Variants in BRMS1L observed in about 807,000 individuals in gnomAD.
BRMS1L encodes the protein BRMS1 like transcriptional repressor.
A neutral mutation model predicts 50.3 loss-of-function variants in BRMS1L; 23 were observed. The observed-to-expected ratio is 0.46, with a 90% CI of 0.33 to 0.65. BRMS1L has a LOEUF of 0.65. Among genes scored for constraint, BRMS1L ranks in the 30% least tolerant of loss-of-function variants. BRMS1L has a pLI of 0.02. For synonymous variants in BRMS1L, 114 were observed against 126.9 expected (o/e 0.90, Z 0.69); for missense variants, 286 against 386.1 (o/e 0.74, Z 2.17).
At chr14:35,853,018 A>ATCTATCTATCTATCTATC (rs1425702944) in intron 4 of BRMS1L, among the ~76,000 whole-genome samples, 1,596 of 146,752 alleles carry the variant, frequency 0.011, 15 homozygotes, top group Middle Eastern at 0.024. Flanking sequence ...ATCTATCTAT[A>ATCTATCTATCTATCTATC]TATAGAGAGA....
Position 35,826,627 on chromosome 14 carries a change from C to T in BRMS1L, c.111C>T (p.Ser37=), listed in dbSNP as rs2077846742. ...GSSSEDEDTE[S]SSVSEDGDSS... is the part of the protein sequence containing the mutation. ...GCTCCGAGGACGAGGACACTGAGAG[C>T]TCGTCGGTCTCCGAGGATGGAGATA... The change falls in exon 1 of 10, where the codon AGC becomes AGT. Residue 37 remains serine (S), a synonymous_variant. Coordinates refer to ENST00000216807, the MANE Select transcript of BRMS1L (RefSeq NM_032352.4). 4.3e-6 allele frequency: 7 copies of T among 1,612,442 alleles called. No individual in the cohort carries two copies. The highest frequency in any genetic ancestry group is 1.1e-5 in the South Asian group (1 of 90,550).
Position 35,826,674 on chromosome 14 carries a change from C to G in BRMS1L, c.142+16C>G. 6.2e-7 allele frequency: 1 copy of G among 1,608,982 alleles called. No homozygotes were observed. The highest frequency in any genetic ancestry group is 8.5e-7 in the Non-Finnish European group (1 of 1,178,328). ...GATAGCTCAGGTGCGCGACCCACTG[C>G]TGGGACCCTGAGTCCCCGCGCCCAG... On this transcript the variant is annotated intron_variant, in intron 1 of 9. Coordinates refer to ENST00000216807, the MANE Select transcript of BRMS1L (RefSeq NM_032352.4).
intron 8 of BRMS1L, chr14:35,867,688 T>G: frequency 7.0e-6 from 2 of 286,114 alleles, no homozygotes; most frequent in Non-Finnish European, 6.3e-6. Context: ...TTATTGTTCA[T>G]TGTTTAGCTT....
At chr14:35,836,502 A>C (rs1318242459) in intron 4 of BRMS1L, among the ~76,000 whole-genome samples, 1 of 151,872 alleles carries the variant, frequency 6.6e-6, no homozygotes, top group Non-Finnish European at 1.5e-5. Context: ...CATCACACCC[A>C]GCTAATTTTT....
At chr14:35,864,311 G>A (rs1397847785) in intron 6 of BRMS1L, among the ~76,000 whole-genome samples, 1 of 151,990 alleles carries the variant, frequency 6.6e-6, no homozygotes. Context: ...ACCTAGGCTG[G>A]AGTGCAGTGG....
chr14:35,829,375 T>C (rs1335758479), intron 1 of BRMS1L, among the ~76,000 whole-genome samples: 1 of 152,382 alleles, frequency 6.6e-6, no homozygotes, highest in African/African-American at 2.4e-5. Context: ...TTGACTCTTG[T>C]GATTTTTAAC....
At chr14:35,865,948 G>C in intron 8 of BRMS1L, 187 bp downstream of exon 8, 1 of 569,422 alleles carries the variant, frequency 1.8e-6, no homozygotes, top group Non-Finnish European at 3.0e-6. Context: ...TCTGAATGTG[G>C]TATAATTATT....
In BRMS1L at chr14:35,838,069, C is replaced by T. The variant is rs536478634; in HGVS notation, c.441+3146C>T. 3.6e-4 allele frequency among the ~76,000 whole-genome samples: 54 copies of T among 152,080 alleles called. 2 individuals carry two copies. In the South Asian group the frequency reaches 9.6e-3, roughly 27 times the overall value. ...CCTCGGTGTGTGATGTTCCCCTCCCCGTGTCCATGTGTTCTCATTGTTCAA... is the reference window on the plus strand; with the variant it reads ...CCTCGGTGTGTGATGTTCCCCTCCCTGTGTCCATGTGTTCTCATTGTTCAA... On this transcript the variant is annotated intron_variant, in intron 4 of 9. Coordinates refer to ENST00000216807, the MANE Select transcript of BRMS1L (RefSeq NM_032352.4).
Position 35,863,954 on chromosome 14 carries a change from A to G in BRMS1L, c.622+1A>G. On this transcript the variant is annotated splice_donor_variant, in intron 6 of 9. Coordinates refer to ENST00000216807, the MANE Select transcript of BRMS1L (RefSeq NM_032352.4). LOFTEE classifies it high-confidence loss of function. Reference sequence around the variant, plus strand: ...AAAAAGAAGCCAGTTGTTGTTTCAGATATCCTTTTCCAAATTTTCTGTTTT... The same window carrying G: ...AAAAAGAAGCCAGTTGTTGTTTCAGGTATCCTTTTCCAAATTTTCTGTTTT... The G allele has an allele frequency of 6.2e-7, 1 of 1,612,594 alleles. No homozygotes were observed. Among genetic ancestry groups the G allele is most frequent in the Non-Finnish European group, 8.5e-7 (1 of 1,179,442 alleles).
intron 4 of BRMS1L, among the ~76,000 whole-genome samples, chr14:35,838,623 A>C (rs1454641289): frequency 6.6e-6 from 1 of 152,220 alleles, no homozygotes; most frequent in Non-Finnish European, 1.5e-5. Flanking sequence ...TCTAATGACC[A>C]GTGATGATGA....
chr14:35,867,413 CT>C (rs1484487079), intron 8 of BRMS1L, among the ~76,000 whole-genome samples: 1 of 152,048 alleles, frequency 6.6e-6, no homozygotes, highest in African/African-American at 2.4e-5. Context: ...AGTTATCTGA[CT>C]AATGCCAGAT....
intron 4 of BRMS1L, among the ~76,000 whole-genome samples, chr14:35,841,743 G>C (rs1199517386): frequency 1.3e-5 from 2 of 152,144 alleles, no homozygotes; most frequent in African/African-American, 4.8e-5. Context: ...TTAATTTTCT[G>C]TCTCATTGAT....
In BRMS1L at chr14:35,870,991, G is replaced by A. The variant is rs1055801385; in HGVS notation, c.*514G>A. On this transcript the variant is annotated 3_prime_UTR_variant, in exon 10 of 10. Transcript: ENST00000216807. ...CATCATCAGCTTATTTAGAACTGAT[G>A]GCCATACCTTACAATCTTGTTTTAC... 4 of 152,540 alleles carry A rather than the reference G, an allele frequency of 2.6e-5. No homozygotes were observed. The highest frequency in any genetic ancestry group is 4.4e-5 in the Non-Finnish European group (3 of 68,020). 9.4% of individuals were successfully genotyped at this position (152,540 alleles called of 1,614,324 possible). A position where few individuals can be genotyped will look rare whatever the true frequency, so the allele number is the denominator to read the frequency against.
At chr14:35,867,016 C>T (rs1195646341) in intron 8 of BRMS1L, among the ~76,000 whole-genome samples, 1 of 152,114 alleles carries the variant, frequency 6.6e-6, no homozygotes, top group Non-Finnish European at 1.5e-5. Context: ...AAGGCTAGAA[C>T]CATATCTCTT....
chr14:35,844,660 T>C (rs559788149), intron 4 of BRMS1L, among the ~76,000 whole-genome samples: 216 of 152,256 alleles, frequency 1.4e-3, no homozygotes, highest in African/African-American at 4.8e-3. Context: ...TGCCAAAAAA[T>C]TACTTTCATG....
In BRMS1L at chr14:35,870,376, A is replaced by G. The variant is rs1297333873; in HGVS notation, c.871A>G (p.Ile291Val). 5 of 1,599,750 alleles carry G rather than the reference A, an allele frequency of 3.1e-6. No individual in the cohort carries two copies. ...ECPTSAVITT[I>V]NHDEVWFKRP... ...TCTTTTTAGTGCTGTAATTACAACA[A>G]TTAACCATGATGAAGTTTGGTTTAA... Residue 291 changes from isoleucine (I) to valine (V), a missense_variant, in exon 10 of 10, where the codon ATT becomes GTT. Physicochemically the swap from Ile to Val is conservative, Grantham distance 29. Coordinates refer to ENST00000216807, the MANE Select transcript of BRMS1L (RefSeq NM_032352.4).
intron 4 of BRMS1L, among the ~76,000 whole-genome samples, chr14:35,842,473 A>T (rs1359298970): frequency 6.6e-6 from 1 of 152,154 alleles, no homozygotes; most frequent in African/African-American, 2.4e-5. Flanking sequence ...TGGGTTGAAA[A>T]TTCTTTTCTT....
chr14:35,835,970 C>T (rs2077986928), intron 4 of BRMS1L, among the ~76,000 whole-genome samples: 1 of 152,140 alleles, frequency 6.6e-6, no homozygotes, highest in African/African-American at 2.4e-5. Flanking sequence ...AGTTCTATAA[C>T]GATTCTTCTG....
intron 2 of BRMS1L, among the ~76,000 whole-genome samples, chr14:35,832,646 G>C (rs1182694401): frequency 2.0e-5 from 3 of 152,140 alleles, no homozygotes; most frequent in Non-Finnish European, 2.9e-5. Flanking sequence ...TTTAAACTCA[G>C]TGTTTAAATG....
Sources: allele counts gnomAD v4.1 joint callset (sites outside exome capture counted in the v4.1 genomes callset), GRCh38; gene constraint gnomAD v4.1.1; transcripts MANE v1.5; gene names NCBI Gene and HGNC (gene_info 2026-07-23, HGNC 2026-07-21).